Variants in CNBD1 observed in about 807,000 individuals in gnomAD.
CNBD1 encodes the protein cyclic nucleotide binding domain containing 1, also known as cyclic nucleotide-binding domain-containing protein 1.
In CNBD1, 71 loss-of-function variants were observed where a neutral mutation model predicts 54.4. That is an observed-to-expected ratio of 1.30 (90% CI 1.08 to 1.59). CNBD1 has a LOEUF of 1.59. Among genes scored for constraint, CNBD1 ranks in the 40% most tolerant of loss-of-function variants. The pLI is 0.00. For missense variants in CNBD1, 659 were observed against 518.0 expected (o/e 1.27, Z -2.64); for synonymous variants, 182 against 170.7 (o/e 1.07, Z -0.51).
At chr8:87,421,736 C>T (rs1329368454) in intron 2 of CNBD1, among the ~76,000 whole-genome samples, 5 of 148,220 alleles carry the variant, frequency 3.4e-5, no homozygotes, top group Admixed American at 1.4e-4. Flanking sequence ...AATAAACATA[C>T]GTGTGCATGT....
intron 2 of CNBD1, among the ~76,000 whole-genome samples, chr8:87,410,874 G>A (rs1014413478): frequency 6.6e-6 from 1 of 152,082 alleles, no homozygotes; most frequent in Non-Finnish European, 1.5e-5. Flanking sequence ...ATCAAGGAAA[G>A]ACCCTCCATC....
intron 4 of CNBD1, among the ~76,000 whole-genome samples, chr8:87,053,047 G>A (rs1462173483): frequency 6.6e-6 from 1 of 152,046 alleles, no homozygotes; most frequent in African/African-American, 2.4e-5. Context: ...TTGAGGGGCT[G>A]AGGCACTCAG....
chr8:87,172,163 G>T (rs1312857002), intron 4 of CNBD1, among the ~76,000 whole-genome samples: 1 of 151,710 alleles, frequency 6.6e-6, no homozygotes, highest in Admixed American at 6.6e-5. Flanking sequence ...TTAACAAGAA[G>T]AATTCTTGTT....
chr8:87,221,664 T>G (rs1814342027), intron 5 of CNBD1, among the ~76,000 whole-genome samples: 1 of 152,148 alleles, frequency 6.6e-6, no homozygotes, highest in Admixed American at 6.6e-5. Context: ...CTCTTATAAT[T>G]ATATACTTTG....
chr8:87,241,441 T>TG (rs1445266055), intron 6 of CNBD1, among the ~76,000 whole-genome samples: 1 of 151,874 alleles, frequency 6.6e-6, no homozygotes, highest in African/African-American at 2.4e-5. Flanking sequence ...TGGCTAATTT[T>TG]TTTTGTATTT....
chr8:87,022,314 C>T lies in CNBD1; in HGVS notation c.431+82560C>T, dbSNP rs1285456546. Among the ~76,000 whole-genome samples the T allele has an allele frequency of 2.0e-5, 3 of 152,150 alleles. No individual in the cohort carries two copies. In the East Asian group the frequency reaches 5.8e-4, roughly 29 times the overall value. The stretch of plus-strand genomic sequence containing the variant: ...GGCATTTGGGAACAGGATATTGTGC[C>T]ACTGGGTTTTTTGTGGTTAGCTGTC... On this transcript the variant is annotated intron_variant, in intron 4 of 10. Coordinates refer to ENST00000518476, the MANE Select transcript of CNBD1 (RefSeq NM_173538.3).
intron 3 of CNBD1, among the ~76,000 whole-genome samples, chr8:86,922,885 G>T (rs1366158031): frequency 6.6e-6 from 1 of 152,116 alleles, no homozygotes; most frequent in Non-Finnish European, 1.5e-5. Flanking sequence ...AAGGAAGCAA[G>T]AGGAGCCAGG....
intron 4 of CNBD1, among the ~76,000 whole-genome samples, chr8:87,191,484 G>A (rs1813609067): frequency 6.6e-6 from 1 of 152,036 alleles, no homozygotes; most frequent in African/African-American, 2.4e-5. Flanking sequence ...ACAATACATT[G>A]CCAGCCATCT....
chr8:87,009,514 A>T (rs1163279688), intron 4 of CNBD1, among the ~76,000 whole-genome samples: 1 of 151,838 alleles, frequency 6.6e-6, no homozygotes, highest in Non-Finnish European at 1.5e-5. Context: ...GTTAGCCAGG[A>T]TGGTCTCAAT....
chr8:87,033,444 C>A (rs529744501), intron 4 of CNBD1, among the ~76,000 whole-genome samples: 1 of 152,268 alleles, frequency 6.6e-6, no homozygotes, highest in South Asian at 2.1e-4. Flanking sequence ...TTGATGAAAT[C>A]AGTCCAGAAA....
At chr8:87,281,363 A>G (rs1327632032) in intron 6 of CNBD1, among the ~76,000 whole-genome samples, 5 of 151,204 alleles carry the variant, frequency 3.3e-5, no homozygotes, top group South Asian at 2.1e-4. Flanking sequence ...TCCCCTGAAC[A>G]TATGAACCAT....
rs113243954 is a variant in CNBD1 at position 87,426,664 on chromosome 8, C to T, written c.214-1882C>T. Among the ~76,000 whole-genome samples the T allele has an allele frequency of 5.5e-3, 837 of 152,190 alleles. 6 individuals carry two copies. The highest frequency in any genetic ancestry group is 0.019 in the African/African-American group (783 of 41,516). On this transcript the variant is annotated intron_variant, in intron 2 of 7. Coordinates refer to the CNBD1 transcript ENST00000521593. ...CAATTTCTCATTTGTAAAATTGTGG[C>T]GCGGCTACCTATCTGGTAGCAATTT...
At chr8:86,926,127 G>A (rs1343142875) in intron 3 of CNBD1, among the ~76,000 whole-genome samples, 1 of 152,030 alleles carries the variant, frequency 6.6e-6, no homozygotes, top group Non-Finnish European at 1.5e-5. Flanking sequence ...GCGCTGATTG[G>A]TGCATTTTAC....
intron 3 of CNBD1, among the ~76,000 whole-genome samples, chr8:86,938,911 T>C (rs1392424036): frequency 6.6e-6 from 1 of 152,238 alleles, no homozygotes; most frequent in Admixed American, 6.5e-5. Flanking sequence ...TTAATCTTCC[T>C]ATGTATATAA....
chr8:86,988,026 G>A (rs186314604), intron 4 of CNBD1, among the ~76,000 whole-genome samples: 147 of 152,186 alleles, frequency 9.7e-4, no homozygotes, highest in African/African-American at 3.3e-3. Context: ...TGAGCAGGAA[G>A]GAAACTCTCC....
intron 6 of CNBD1, among the ~76,000 whole-genome samples, chr8:87,260,837 G>A (rs1363556616): frequency 6.6e-6 from 1 of 151,832 alleles, no homozygotes; most frequent in African/African-American, 2.4e-5. Flanking sequence ...CTGCCTCCTA[G>A]GCCTAATGTA....
intron 5 of CNBD1, among the ~76,000 whole-genome samples, chr8:87,206,382 C>A (rs565798356): frequency 6.6e-6 from 1 of 152,014 alleles, no homozygotes; most frequent in African/African-American, 2.4e-5. Flanking sequence ...TCAGAATTAC[C>A]CAGTGATCAC....
chr8:86,951,717 A>G (rs1323483051), intron 4 of CNBD1, among the ~76,000 whole-genome samples: 1 of 147,362 alleles, frequency 6.8e-6, no homozygotes, highest in Admixed American at 6.9e-5. Flanking sequence ...AGTTATTTTA[A>G]TTTGCCTTTC....
Position 86,949,616 on chromosome 8 carries a change from G to A in CNBD1, c.431+9862G>A, listed in dbSNP as rs116940968. Among the ~76,000 whole-genome samples, 1,172 of 152,064 alleles carry A rather than the reference G, an allele frequency of 7.7e-3. 7 individuals carry two copies. The highest frequency in any genetic ancestry group is 0.012 in the Non-Finnish European group (814 of 67,956). The stretch of plus-strand genomic sequence containing the variant: ...TGTTCATCAGTTCTAATCATTTTAG[G>A]GGGGAGTCTTTAGGTTTTTCCAAAT... On this transcript the variant is annotated intron_variant, in intron 4 of 10. Coordinates refer to ENST00000518476, the MANE Select transcript of CNBD1 (RefSeq NM_173538.3).
Sources: allele counts gnomAD v4.1 joint callset (sites outside exome capture counted in the v4.1 genomes callset), GRCh38; gene constraint gnomAD v4.1.1; transcripts MANE v1.5; gene names NCBI Gene and HGNC (gene_info 2026-07-23, HGNC 2026-07-21).